The following FOXN3 variants were observed in gnomAD, a reference collection of about 807,000 sequenced individuals.
The protein encoded by FOXN3 is forkhead box N3, also known as forkhead box protein N3.
A neutral mutation model predicts 38.4 loss-of-function variants in FOXN3; 7 were observed. That is an observed-to-expected ratio of 0.18 (90% CI 0.10 to 0.34). The LOEUF (loss-of-function observed/expected upper bound fraction) is 0.34. Among genes scored for constraint, FOXN3 ranks in the 10% least tolerant of loss-of-function variants. FOXN3 has a pLI of 1.00. For missense variants in FOXN3, 456 were observed against 613.4 expected (o/e 0.74, Z 2.71); for synonymous variants, 230 against 242.2 (o/e 0.95, Z 0.47).
At chr14:89,528,374 A>ATAT (rs1280882695) in intron 1 of FOXN3, among the ~76,000 whole-genome samples, 1 of 62,220 alleles carries the variant, frequency 1.6e-5, no homozygotes, top group African/African-American at 7.4e-5. Context: ...ACATGGATGA[A>ATAT]TCTTTTTTTT....
At chr14:89,615,116 ATT>A (rs374606775) in intron 1 of FOXN3, among the ~76,000 whole-genome samples, 87 of 106,764 alleles carry the variant, frequency 8.1e-4, no homozygotes, top group African/African-American at 2.9e-3. Context: ...CCCAATTTCG[ATT>A]TTTTTTTTTT....
chr14:89,584,305 G>A (rs1895803740), intron 1 of FOXN3, among the ~76,000 whole-genome samples: 2 of 152,110 alleles, frequency 1.3e-5, no homozygotes, highest in Admixed American at 6.5e-5. Flanking sequence ...GGAAGCTGAG[G>A]CAGGAGAATC....
At chr14:89,493,013 A>C (rs1329460457) in intron 1 of FOXN3, among the ~76,000 whole-genome samples, 1 of 152,228 alleles carries the variant, frequency 6.6e-6, no homozygotes, top group Non-Finnish European at 1.5e-5. Context: ...TATAAAGAAT[A>C]ATATGCAGTA....
At chr14:89,233,886 C>T (rs1884897984) in intron 4 of FOXN3, among the ~76,000 whole-genome samples, 1 of 152,350 alleles carries the variant, frequency 6.6e-6, no homozygotes, top group African/African-American at 2.4e-5. Flanking sequence ...GTCTAGGTCC[C>T]TATTTTCTAA....
At chr14:89,436,668 C>T (rs1176044091) in intron 1 of FOXN3, among the ~76,000 whole-genome samples, 2 of 152,216 alleles carry the variant, frequency 1.3e-5, no homozygotes, top group African/African-American at 2.4e-5. Context: ...ACAATCAAAA[C>T]ATCCAACAGA....
intron 1 of FOXN3, among the ~76,000 whole-genome samples, chr14:89,455,048 G>A (rs544622595): frequency 1.3e-5 from 2 of 152,280 alleles, no homozygotes; most frequent in Admixed American, 6.5e-5. Flanking sequence ...CTTGAGAAGC[G>A]GCCAGTGTAA....
intron 1 of FOXN3, among the ~76,000 whole-genome samples, chr14:89,609,189 G>T (rs1896341702): frequency 6.6e-6 from 1 of 152,116 alleles, no homozygotes; most frequent in Admixed American, 6.6e-5. Context: ...TTGGTAGACT[G>T]GGCAATGAGA....
At chr14:89,316,574 T>C (rs1887724708) in intron 3 of FOXN3, among the ~76,000 whole-genome samples, 1 of 151,408 alleles carries the variant, frequency 6.6e-6, no homozygotes, top group Non-Finnish European at 1.5e-5. Flanking sequence ...TTGCCCAGAC[T>C]GGTCTCGAAC....
At chr14:89,310,582 A>G (rs988679398) in intron 3 of FOXN3, among the ~76,000 whole-genome samples, 2 of 152,352 alleles carry the variant, frequency 1.3e-5, no homozygotes, top group Admixed American at 6.5e-5. Flanking sequence ...TACCTCTTCC[A>G]CTGCCTTTAA....
chr14:89,508,430 G>C (rs1404668384), intron 1 of FOXN3, among the ~76,000 whole-genome samples: 1 of 152,220 alleles, frequency 6.6e-6, no homozygotes, highest in Non-Finnish European at 1.5e-5. Flanking sequence ...CACAGAGCCA[G>C]AGTATCAGCT....
At chr14:89,334,923 C>T (rs557664655) in intron 3 of FOXN3, among the ~76,000 whole-genome samples, 48 of 152,100 alleles carry the variant, frequency 3.2e-4, no homozygotes, top group African/African-American at 1.2e-3. Flanking sequence ...TGCACCACCA[C>T]ACCCAGCTAA....
intron 4 of FOXN3, among the ~76,000 whole-genome samples, chr14:89,184,495 C>T (rs949945398): frequency 6.6e-6 from 1 of 152,214 alleles, no homozygotes; most frequent in Non-Finnish European, 1.5e-5. Context: ...GAAAGGAAGC[C>T]AGTCGTCACC....
chr14:89,507,620 G>A (rs1363691916), intron 1 of FOXN3, among the ~76,000 whole-genome samples: 1 of 152,150 alleles, frequency 6.6e-6, no homozygotes, highest in Non-Finnish European at 1.5e-5. Flanking sequence ...CACAAACAAT[G>A]AGAAGTGTGT....
chr14:89,455,801 C>A (rs1359151147), intron 1 of FOXN3, among the ~76,000 whole-genome samples: 1 of 152,206 alleles, frequency 6.6e-6, no homozygotes, highest in African/African-American at 2.4e-5. Context: ...ATGGCCCATT[C>A]TAGATCTCCT....
chr14:89,245,562 CATTT>C (rs1288039848), intron 4 of FOXN3, among the ~76,000 whole-genome samples: 1 of 152,046 alleles, frequency 6.6e-6, no homozygotes, highest in African/African-American at 2.4e-5. Flanking sequence ...CTTTCCCCCT[CATTT>C]ATATCGTTTC....
chr14:89,439,622 G>A (rs1892336348), intron 1 of FOXN3, among the ~76,000 whole-genome samples: 1 of 151,612 alleles, frequency 6.6e-6, no homozygotes, highest in Admixed American at 6.6e-5. Flanking sequence ...AGCACTCAGG[G>A]CTGCTCTGCC....
At chr14:89,259,274 C>G (rs1229874215) in intron 4 of FOXN3, among the ~76,000 whole-genome samples, 2 of 152,206 alleles carry the variant, frequency 1.3e-5, no homozygotes, top group African/African-American at 4.8e-5. Context: ...CTATGAGAAT[C>G]TAAAGGACAA....
At chr14:89,308,255 C>T (rs1887434256) in intron 3 of FOXN3, among the ~76,000 whole-genome samples, 1 of 152,174 alleles carries the variant, frequency 6.6e-6, no homozygotes, top group Non-Finnish European at 1.5e-5. Flanking sequence ...CAGAGTGAGA[C>T]CCTGTTTCAA....
At chr14:89,329,105 G>A (rs111290552) in intron 3 of FOXN3, among the ~76,000 whole-genome samples, 43 of 152,294 alleles carry the variant, frequency 2.8e-4, no homozygotes, top group Non-Finnish European at 4.4e-4. Context: ...CCTCACCACT[G>A]TGCAATTCTT....
Sources: allele counts gnomAD v4.1 joint callset (sites outside exome capture counted in the v4.1 genomes callset), GRCh38; gene constraint gnomAD v4.1.1; transcripts MANE v1.5; gene names NCBI Gene and HGNC (gene_info 2026-07-23, HGNC 2026-07-21).